Variants in CXXC4 observed in about 807,000 individuals in gnomAD.
CXXC4 encodes CXXC-type zinc finger protein 4.
Under a neutral mutation model 20.5 loss-of-function variants are expected in CXXC4, and 5 were observed. That is an observed-to-expected ratio of 0.24 (90% confidence interval 0.13 to 0.51). The LOEUF (loss-of-function observed/expected upper bound fraction) is 0.51, where lower values mean the gene tolerates loss of function less well. Among genes scored for constraint, CXXC4 ranks in the 20% least tolerant of loss-of-function variants. CXXC4 has a pLI of 0.97. For synonymous variants in CXXC4, 250 were observed against 216.4 expected (o/e 1.16, Z -1.36); for missense variants, 419 against 496.4 (o/e 0.84, Z 1.48).
At chr4:104,487,871 GAAA>G (rs1464839161) in intron 2 of CXXC4, among the ~76,000 whole-genome samples, 4 of 152,096 alleles carry the variant, frequency 2.6e-5, no homozygotes, top group Non-Finnish European at 5.9e-5. Flanking sequence ...AGACTAAGCA[GAAA>G]AATAGAAGGC....
chr4:104,469,208 A>G lies in CXXC4; in HGVS notation c.*3114T>C, dbSNP rs1736199834. The stretch of plus-strand genomic sequence containing the variant: ...GAAAGCCACTTTGGTCTGAAGGCTT[A>G]GTGAGAGGTTTGCATTAATGATGTT... On this transcript the variant is annotated 3_prime_UTR_variant, in exon 3 of 3. Transcript: ENST00000394767. The G allele has an allele frequency of 6.6e-6, 1 of 152,070 alleles. No homozygotes were observed. Among genetic ancestry groups the G allele is most frequent in the Non-Finnish European group, 1.5e-5 (1 of 67,986 alleles). 9.4% of individuals were successfully genotyped at this position (152,070 alleles called of 1,614,324 possible). A position where few individuals can be genotyped will look rare whatever the true frequency, so the allele number is the denominator to read the frequency against.
At position 104,470,376 on chromosome 4, in the gene CXXC4, C is replaced by T. The variant is rs773958465; in HGVS notation, c.*1946G>A. ...ACATCATGAGTTTTTCTTGAAAACG[C>T]TTGTTGACCATAACTGTGGACCATG... On this transcript the variant is annotated 3_prime_UTR_variant, in exon 3 of 3. Coordinates refer to ENST00000394767, the MANE Select transcript of CXXC4 (RefSeq NM_025212.4). 1 of 151,932 alleles carries T rather than the reference C, an allele frequency of 6.6e-6. No individual in the cohort carries two copies. The highest frequency in any genetic ancestry group is 1.9e-4 in the East Asian group (1 of 5,174). The allele number at this position is 151,932 out of a possible 1,614,324, so 9.4% of individuals were successfully genotyped here. A position where few individuals can be genotyped will look rare whatever the true frequency, so the allele number is the denominator to read the frequency against.
At chr4:104,481,574 G>A (rs1578318488) in intron 2 of CXXC4, among the ~76,000 whole-genome samples, 1 of 151,940 alleles carries the variant, frequency 6.6e-6, no homozygotes, top group East Asian at 1.9e-4. Flanking sequence ...TAAGTACCTT[G>A]GATGAAGGAC....
intron 2 of CXXC4, among the ~76,000 whole-genome samples, chr4:104,481,755 C>A (rs1736563851): frequency 6.6e-6 from 1 of 152,114 alleles, no homozygotes. Flanking sequence ...ATAACAGTTC[C>A]ACCTAAACAT....
At chr4:104,488,048 CAT>C (rs1230042669) in intron 2 of CXXC4, among the ~76,000 whole-genome samples, 2 of 152,122 alleles carry the variant, frequency 1.3e-5, no homozygotes, top group East Asian at 3.9e-4. Flanking sequence ...AAGAGTGGCA[CAT>C]GAGTCTTGAA....
rs969327006 is a variant in CXXC4, at chr4:104,476,668, C to A, written c.1060-4302G>T. The stretch of plus-strand genomic sequence containing the variant: ...GAAATGTCTATAACTAAAGTTAAAC[C>A]TATCTTTCCAATATTTATTCATATA... On this transcript the variant is annotated intron_variant, in intron 2 of 2. Transcript: ENST00000394767. Among the ~76,000 whole-genome samples, 5 of 152,114 alleles carry A rather than the reference C, an allele frequency of 3.3e-5. No individual in the cohort carries two copies. The East Asian group carries it at 9.7e-4, about 29-fold the overall frequency.
chr4:104,494,243 C>T lies in CXXC4; in HGVS notation c.-258+458G>A, dbSNP rs116580178. Among the ~76,000 whole-genome samples the T allele has an allele frequency of 8.6e-3, 1,311 of 152,270 alleles. 16 individuals carry two copies. The highest frequency in any genetic ancestry group is 0.028 in the South Asian group (135 of 4,820). ...TCTATGCCAAAGCTAAATTAGAGAT[C>T]CATACTTCATGATCCTGTTTTGCCT... On this transcript the variant is annotated intron_variant, in intron 1 of 2. Coordinates refer to ENST00000394767, the MANE Select transcript of CXXC4 (RefSeq NM_025212.4).
intron 1 of CXXC4, 46 bp downstream of exon 1, chr4:104,494,655 T>A (rs1465005358): frequency 2.3e-5 from 1 of 43,820 alleles, no homozygotes; most frequent in Non-Finnish European, 7.6e-5. Context: ...GTAAACAAAC[T>A]GTTGGGGGGG....
rs573359943 is a variant in CXXC4 at position 104,488,249 on chromosome 4, G to A, written c.1059+2495C>T. ...CTAAAACATTTTCCCAGATGAGGATGGACCAAATTTAAGAGAGAAACCAGG... is the reference window on the plus strand; with the variant it reads ...CTAAAACATTTTCCCAGATGAGGATAGACCAAATTTAAGAGAGAAACCAGG... On this transcript the variant is annotated intron_variant, in intron 2 of 2. Transcript: ENST00000394767. Among the ~76,000 whole-genome samples the A allele has an allele frequency of 1.5e-3, 229 of 152,234 alleles. 3 individuals are homozygous for A. Among genetic ancestry groups the A allele is most frequent in the South Asian group, 3.9e-3 (19 of 4,820 alleles).
At chr4:104,472,409 T>C in intron 2 of CXXC4, 43 bp from the exon 3 acceptor site, 1 of 1,460,076 alleles carries the variant, frequency 6.8e-7, no homozygotes, top group Non-Finnish European at 9.4e-7. Context: ...TTTCTTTCTA[T>C]GCCAATATAA....
chr4:104,487,416 G>C (rs1736727733), intron 2 of CXXC4, among the ~76,000 whole-genome samples: 1 of 152,034 alleles, frequency 6.6e-6, no homozygotes, highest in Non-Finnish European at 1.5e-5. Flanking sequence ...TTGCCCATGG[G>C]ACAATTTTAT....
rs575716554 is a variant in CXXC4 at position 104,493,840 on chromosome 4, A to G, written c.-258+861T>C. 2.6e-5 allele frequency among the ~76,000 whole-genome samples: 4 copies of G among 152,372 alleles called. No homozygotes were observed. The East Asian group carries it at 7.7e-4, about 29-fold the overall frequency. On this transcript the variant is annotated intron_variant, in intron 1 of 2. Transcript: ENST00000394767. ...CGAATCACATTGTAACTGCAAGACC[A>G]TAATAACTGCTACTCAGTAAAAACT...
At chr4:104,492,882 A>AAAAT (rs1736935056) in intron 1 of CXXC4, among the ~76,000 whole-genome samples, 1 of 152,110 alleles carries the variant, frequency 6.6e-6, no homozygotes, top group Non-Finnish European at 1.5e-5. Flanking sequence ...ATACATATTT[A>AAAAT]TTTATATCAG....
At position 104,491,367 on chromosome 4, in the gene CXXC4, CGGA is replaced by C; in HGVS notation, c.433_435del (p.Ser145del). The C allele has an allele frequency of 7.0e-7, 1 of 1,423,010 alleles. No homozygotes were observed. The allele number at this position is 1,423,010 out of a possible 1,614,324, so 88.1% of individuals were successfully genotyped here. On this transcript the variant is annotated inframe_deletion, in exon 2 of 3. Transcript: ENST00000394767. ...GGGAGGATCGCCGAGGAGGAGGAGG[CGGA>C]GGAGGAGGCGGCGGCGGAGGAGGAT... is the stretch of plus-strand genomic sequence containing the variant.
rs780359636 is a variant in CXXC4, at chr4:104,491,110, C to T, written c.693G>A (p.Glu231=). Residue 231 remains glutamate (E), a synonymous_variant, in exon 2 of 3, where the codon GAG becomes GAA. Coordinates refer to ENST00000394767, the MANE Select transcript of CXXC4 (RefSeq NM_025212.4). ...AAEAEIMNLP[E]RVGTFSAIPA... ...GGATAGCGGAAAAAGTCCCCACGCGCTCGGGGAGATTCATTATCTCTGCTT... is the reference window on the plus strand; with the variant it reads ...GGATAGCGGAAAAAGTCCCCACGCGTTCGGGGAGATTCATTATCTCTGCTT... 3 of 1,613,988 alleles carry T rather than the reference C, an allele frequency of 1.9e-6. No homozygotes were observed. Among genetic ancestry groups the T allele is most frequent in the South Asian group, 2.2e-5 (2 of 91,092 alleles).
intron 2 of CXXC4, among the ~76,000 whole-genome samples, chr4:104,474,277 T>C (rs1416219174): frequency 1.3e-5 from 2 of 152,020 alleles, no homozygotes; most frequent in Non-Finnish European, 2.9e-5. Context: ...TCACTATGCA[T>C]ACCTGAATCT....
In CXXC4 at chr4:104,491,307, T is replaced by TGCCGCC. The variant is rs532524986; in HGVS notation, c.490_495dup (p.Gly164_Gly165dup). 5.9e-4 allele frequency: 930 copies of TGCCGCC among 1,572,924 alleles called. 1 individual carries two copies. Among genetic ancestry groups the TGCCGCC allele is most frequent in the African/African-American group, 5.8e-3 (421 of 72,220 alleles). The stretch of plus-strand genomic sequence containing the variant: ...TTTCGGTGGTGCATGCTGGTCCTGC[T>TGCCGCC]GCCGCCGCCGCCGCCGCCGCCGCCA... On this transcript the variant is annotated inframe_insertion, in exon 2 of 3. Coordinates refer to ENST00000394767, the MANE Select transcript of CXXC4 (RefSeq NM_025212.4).
intron 1 of CXXC4, among the ~76,000 whole-genome samples, chr4:104,493,352 A>C (rs974493429): frequency 6.6e-6 from 1 of 152,174 alleles, no homozygotes; most frequent in African/African-American, 2.4e-5. Flanking sequence ...AAGCCCATAG[A>C]TTGGTCTAGA....
chr4:104,477,250 G>A (rs1377451111), intron 2 of CXXC4, among the ~76,000 whole-genome samples: 1 of 151,980 alleles, frequency 6.6e-6, no homozygotes, highest in African/African-American at 2.4e-5. Context: ...GAAATTTCCG[G>A]ATTAACAAAT....
Sources: gnomAD v4.1 joint callset for allele counts (sites outside exome capture counted in the v4.1 genomes callset) on GRCh38, gnomAD v4.1.1 for gene constraint, MANE v1.5 for transcripts, NCBI Gene and HGNC (gene_info 2026-07-23, HGNC 2026-07-21) for gene names.